The following ZRANB3 variants were observed in gnomAD, a reference collection of about 807,000 sequenced individuals.
The protein encoded by ZRANB3 is DNA annealing helicase and endonuclease ZRANB3.
A neutral mutation model predicts 133.8 loss-of-function variants in ZRANB3; 125 were observed. The observed-to-expected ratio is 0.93, with a 90% CI of 0.81 to 1.08. The LOEUF (loss-of-function observed/expected upper bound fraction) is 1.08. ZRANB3 is among the 50% of genes least tolerant of loss of function. The pLI, the probability that ZRANB3 is intolerant of heterozygous loss-of-function variation, is 0.00. For missense variants in ZRANB3, 1,229 were observed against 1,275.5 expected (o/e 0.96, Z 0.56); for synonymous variants, 387 against 432.7 (o/e 0.89, Z 1.31).
chr2:135,498,361 T>C (rs955569577), intron 2 of ZRANB3, among the ~76,000 whole-genome samples: 7 of 152,146 alleles, frequency 4.6e-5, no homozygotes, highest in Admixed American at 2.6e-4. Context: ...CTTATACCTG[T>C]CTTTACTGCA....
In ZRANB3 at chr2:135,512,666, G is replaced by A. The variant is rs562909322; in HGVS notation, c.-7-8170C>T. Reference sequence around the variant, plus strand: ...AAAAAGACATATTATACATGCCAAAGTATAGCTAGTATTGCTTTACATTAT... The same window carrying A: ...AAAAAGACATATTATACATGCCAAAATATAGCTAGTATTGCTTTACATTAT... On this transcript the variant is annotated intron_variant, in intron 1 of 20. Transcript: ENST00000264159. Among the ~76,000 whole-genome samples, 5 of 151,734 alleles carry A rather than the reference G, an allele frequency of 3.3e-5. No homozygotes were observed. In the South Asian group the frequency reaches 1.0e-3, roughly 32 times the overall value.
intron 2 of ZRANB3, among the ~76,000 whole-genome samples, chr2:135,475,561 C>A (rs187183511): frequency 6.6e-6 from 1 of 152,250 alleles, no homozygotes; most frequent in African/African-American, 2.4e-5. Context: ...ATGAACAGAA[C>A]CTAAAGCCAG....
intron 2 of ZRANB3, among the ~76,000 whole-genome samples, chr2:135,425,959 GAAAA>G (rs1558991607): frequency 6.6e-6 from 1 of 151,424 alleles, no homozygotes; most frequent in African/African-American, 2.4e-5. Flanking sequence ...GGCTGATAAA[GAAAA>G]AAAGAGAAGA....
At chr2:135,406,613 CT>C (rs1688046779) in intron 2 of ZRANB3, among the ~76,000 whole-genome samples, 1 of 152,140 alleles carries the variant, frequency 6.6e-6, no homozygotes, top group African/African-American at 2.4e-5. Flanking sequence ...CATCAAAAAG[CT>C]TATCCACCAT....
At chr2:135,395,201 T>C (rs1310086356) in intron 2 of ZRANB3, among the ~76,000 whole-genome samples, 1 of 152,012 alleles carries the variant, frequency 6.6e-6, no homozygotes, top group East Asian at 1.9e-4. Context: ...TCCATACATC[T>C]ACAGTGAACT....
At chr2:135,390,923 C>G (rs530816004) in intron 2 of ZRANB3, 103 bp from the exon 3 acceptor site, 2 of 1,208,550 alleles carry the variant, frequency 1.7e-6, no homozygotes, top group Non-Finnish European at 2.2e-6. Context: ...TGCAGTGGTG[C>G]GATCTCAGCT....
intron 2 of ZRANB3, among the ~76,000 whole-genome samples, chr2:135,399,702 G>A (rs1687652677): frequency 6.6e-6 from 1 of 152,088 alleles, no homozygotes; most frequent in South Asian, 2.1e-4. Context: ...ACTTATAACT[G>A]AGTTGTTGTT....
chr2:135,476,077 CAAAAGAAAA>C (rs562342007), intron 2 of ZRANB3, among the ~76,000 whole-genome samples: 2 of 150,600 alleles, frequency 1.3e-5, no homozygotes, highest in African/African-American at 2.4e-5. Context: ...GACTCCATCT[CAAAAGAAAA>C]AAAAGAAAAA....
intron 2 of ZRANB3, among the ~76,000 whole-genome samples, chr2:135,495,437 G>A (rs548447759): frequency 2.0e-5 from 3 of 152,150 alleles, no homozygotes; most frequent in African/African-American, 4.8e-5. Context: ...AGCCAGTTTC[G>A]CAGATTAAAG....
At chr2:135,481,164 G>C (rs1161134326) in intron 2 of ZRANB3, among the ~76,000 whole-genome samples, 1 of 151,308 alleles carries the variant, frequency 6.6e-6, no homozygotes, top group African/African-American at 2.4e-5. Context: ...GGTATTTCCA[G>C]TTCTAGATCC....
chr2:135,395,561 G>T lies in ZRANB3; in HGVS notation c.162-4741C>A, dbSNP rs553025134. On this transcript the variant is annotated intron_variant, in intron 2 of 20. Coordinates refer to ENST00000264159, the MANE Select transcript of ZRANB3 (RefSeq NM_032143.4). ...CAACCTCTGCCTCCCACGTTCAAGC[G>T]ATTCTCATGCCTCAGCCTCCTGAGT... is the stretch of plus-strand genomic sequence containing the variant. 3.9e-4 allele frequency among the ~76,000 whole-genome samples: 59 copies of T among 151,484 alleles called. No individual in the cohort carries two copies. The South Asian group carries it at 0.012, about 31-fold the overall frequency.
chr2:135,470,405 G>A lies in ZRANB3; in HGVS notation c.161+33924C>T, dbSNP rs557968700. 2.2e-4 allele frequency among the ~76,000 whole-genome samples: 33 copies of A among 152,034 alleles called. No individual in the cohort carries two copies. In the South Asian group the frequency reaches 5.8e-3, roughly 27 times the overall value. On this transcript the variant is annotated intron_variant, in intron 2 of 20. Transcript: ENST00000264159. ...TTAACTAATTAAAAAACTGAAGCAGGCCAGGAGCGGTGGCTCACGCCTGTA... is the reference window on the plus strand; with the variant it reads ...TTAACTAATTAAAAAACTGAAGCAGACCAGGAGCGGTGGCTCACGCCTGTA...
chr2:135,473,941 T>G (rs924901367), intron 2 of ZRANB3, among the ~76,000 whole-genome samples: 2 of 152,082 alleles, frequency 1.3e-5, no homozygotes, highest in African/African-American at 4.8e-5. Flanking sequence ...TTCCAGCACT[T>G]TGGGAGGCTG....
chr2:135,480,041 C>T lies in ZRANB3; in HGVS notation c.161+24288G>A, dbSNP rs188221744. 2.1e-3 allele frequency among the ~76,000 whole-genome samples: 313 copies of T among 151,792 alleles called. 4 individuals are homozygous for T. Among genetic ancestry groups the T allele is most frequent in the African/African-American group, 7.3e-3 (304 of 41,392 alleles). ...CTCCGCCTCCTGGGTTCACGCCATT[C>T]TCCTGGCTCAGCCTCCAAGGTAGCT... On this transcript the variant is annotated intron_variant, in intron 2 of 20. Transcript: ENST00000264159.
chr2:135,356,523 A>G (rs1685444117), intron 3 of ZRANB3, among the ~76,000 whole-genome samples: 4 of 152,306 alleles, frequency 2.6e-5, no homozygotes, highest in East Asian at 3.9e-4. Flanking sequence ...AAGAATCCTG[A>G]TATGCTGGGA....
At chr2:135,344,729 A>AG (rs1684840466) in intron 6 of ZRANB3, among the ~76,000 whole-genome samples, 1 of 152,194 alleles carries the variant, frequency 6.6e-6, no homozygotes, top group Non-Finnish European at 1.5e-5. Context: ...TAACGGAGCG[A>AG]GACTCCGTCT....
chr2:135,510,607 T>G (rs1439812531), intron 1 of ZRANB3: 2 of 751,900 alleles, frequency 2.7e-6, no homozygotes, highest in African/African-American at 1.7e-5. Flanking sequence ...CATGCCTCCA[T>G]GAGGAGGGCC....
At chr2:135,460,557 G>A (rs376122837) in intron 2 of ZRANB3, among the ~76,000 whole-genome samples, 2 of 152,188 alleles carry the variant, frequency 1.3e-5, no homozygotes, top group East Asian at 1.9e-4. Flanking sequence ...GTGAGCCACC[G>A]AGCCTGGACG....
intron 3 of ZRANB3, among the ~76,000 whole-genome samples, chr2:135,387,625 A>G (rs1379784818): frequency 6.6e-6 from 1 of 152,216 alleles, no homozygotes; most frequent in Non-Finnish European, 1.5e-5. Context: ...TAAATAGGAT[A>G]TAACATCATA....
Sources: gnomAD v4.1 joint callset for allele counts (sites outside exome capture counted in the v4.1 genomes callset) on GRCh38, gnomAD v4.1.1 for gene constraint, MANE v1.5 for transcripts, NCBI Gene and HGNC (gene_info 2026-07-23, HGNC 2026-07-21) for gene names.